The following CASK variants were observed in gnomAD, a reference collection of about 807,000 sequenced individuals.
CASK encodes peripheral plasma membrane protein CASK.
CASK carries 4 observed loss-of-function variants against 82.9 expected under a neutral mutation model. The observed-to-expected ratio is 0.05, with a 90% CI of 0.02 to 0.11. The LOEUF (loss-of-function observed/expected upper bound fraction) is 0.11, where lower values mean the gene tolerates loss of function less well. CASK is among the 10% of genes least tolerant of loss of function. The pLI, the probability that CASK is intolerant of heterozygous loss-of-function variation, is 1.00. For synonymous variants in CASK, 259 were observed against 253.5 expected (o/e 1.02, Z -0.20); for missense variants, 358 against 720.9 (o/e 0.50, Z 5.76).
chrX:41,917,856 C>T (rs1216223837), intron 1 of CASK, among the ~76,000 whole-genome samples: 1 of 111,521 alleles, frequency 9.0e-6, no homozygotes, highest in African/African-American at 3.3e-5. Flanking sequence ...ATATTGCTTC[C>T]CCACTCCCAT....
At chrX:41,546,044 T>A (rs2065018808) in intron 21 of CASK, among the ~76,000 whole-genome samples, 1 of 110,456 alleles carries the variant, frequency 9.1e-6, no homozygotes, top group Non-Finnish European at 1.9e-5. Flanking sequence ...CGATCTCAGC[T>A]CACTGAAACC....
chrX:41,682,529 GAAAAAAAAAA>G (rs869093187), intron 5 of CASK, among the ~76,000 whole-genome samples: 4 of 23,176 alleles, frequency 1.7e-4, no homozygotes, highest in African/African-American at 6.8e-4. Flanking sequence ...ACTGTCTCAG[GAAAAAAAAAA>G]AAAAAAAAAA....
chrX:41,774,338 T>C (rs1048995646), intron 3 of CASK, among the ~76,000 whole-genome samples: 25 of 111,508 alleles, frequency 2.2e-4, no homozygotes, highest in Admixed American at 2.9e-4. Context: ...CCATTCACAA[T>C]TGCTTCAAAG....
chrX:41,830,118 C>T (rs2070764127), intron 2 of CASK, among the ~76,000 whole-genome samples: 1 of 107,994 alleles, frequency 9.3e-6, no homozygotes, highest in African/African-American at 3.4e-5. Flanking sequence ...TCCCACCTTA[C>T]CCTCCCAAGC....
In CASK at chrX:41,861,254, G is replaced by A. The variant is rs187920215; in HGVS notation, c.60-8027C>T. The stretch of plus-strand genomic sequence containing the variant: ...TTGGTGTGTGTGTGTGTTTGTGTGC[G>A]TGTGTGCGTGTGCATGCGTGTGTGA... On this transcript the variant is annotated intron_variant, in intron 1 of 26. Transcript: ENST00000378163. Among the ~76,000 whole-genome samples, 8 of 111,554 alleles carry A rather than the reference G, an allele frequency of 7.2e-5. No homozygotes were observed. In the South Asian group the frequency reaches 2.3e-3, roughly 32 times the overall value.
intron 8 of CASK, among the ~76,000 whole-genome samples, chrX:41,658,790 G>A (rs1216386374): frequency 2.7e-5 from 3 of 111,554 alleles, no homozygotes; most frequent in Non-Finnish European, 5.6e-5. Flanking sequence ...AAGAAGCCCT[G>A]GGATTTGAAC....
chrX:41,630,983 TATC>T (rs2147349004), intron 9 of CASK, among the ~76,000 whole-genome samples: 1 of 111,949 alleles, frequency 8.9e-6, no homozygotes, highest in African/African-American at 3.2e-5. Flanking sequence ...AAACCAGAGT[TATC>T]ATTCAGTTTA....
chrX:41,850,457 GCAAA>G (rs1432505755), intron 2 of CASK, among the ~76,000 whole-genome samples: 1 of 110,587 alleles, frequency 9.0e-6, no homozygotes, highest in Non-Finnish European at 1.9e-5. Context: ...TTAACAAAGA[GCAAA>G]CAAACCACTA....
chrX:41,768,424 A>G (rs2069154382), intron 3 of CASK, among the ~76,000 whole-genome samples: 1 of 111,310 alleles, frequency 9.0e-6, no homozygotes, highest in African/African-American at 3.3e-5. Flanking sequence ...TTCTGTATAT[A>G]TCTGTACATG....
chrX:41,631,023 A>T (rs1346011454), intron 9 of CASK, among the ~76,000 whole-genome samples: 1 of 111,681 alleles, frequency 9.0e-6, no homozygotes, highest in Non-Finnish European at 1.9e-5. Flanking sequence ...CATATATAAT[A>T]CTCAAACATA....
At chrX:41,567,201 C>T (rs1293549565) in intron 16 of CASK, among the ~76,000 whole-genome samples, 1 of 111,949 alleles carries the variant, frequency 8.9e-6, no homozygotes, top group African/African-American at 3.2e-5. Flanking sequence ...GACTAAAACA[C>T]CAAAAGCAAT....
intron 1 of CASK, among the ~76,000 whole-genome samples, chrX:41,874,552 T>C (rs1432807995): frequency 8.9e-6 from 1 of 112,285 alleles, no homozygotes; most frequent in Non-Finnish European, 1.9e-5. Context: ...CTGCATTTTC[T>C]TTATCCAGAT....
intron 16 of CASK, among the ~76,000 whole-genome samples, chrX:41,566,246 A>C (rs1322116822): frequency 1.8e-5 from 2 of 111,861 alleles, no homozygotes; most frequent in African/African-American, 6.5e-5. Context: ...GCAATCAGGC[A>C]AGAGAAAGAA....
intron 5 of CASK, among the ~76,000 whole-genome samples, chrX:41,705,513 T>C (rs745498487): frequency 7.0e-4 from 78 of 111,659 alleles, no homozygotes; most frequent in Non-Finnish European, 1.1e-3. Context: ...TACGATCATG[T>C]TACTGCACTC....
intron 5 of CASK, among the ~76,000 whole-genome samples, chrX:41,674,980 T>G (rs898535565): frequency 9.0e-6 from 1 of 110,793 alleles, no homozygotes. Context: ...GTTAAATACA[T>G]GGGTTTTTGT....
intron 2 of CASK, among the ~76,000 whole-genome samples, chrX:41,804,515 G>A (rs1349557451): frequency 9.0e-6 from 1 of 111,505 alleles, no homozygotes; most frequent in Non-Finnish European, 1.9e-5. Flanking sequence ...ATTAAAATAA[G>A]AGAGCAAAAA....
intron 15 of CASK, among the ~76,000 whole-genome samples, chrX:41,577,875 C>G (rs1351284110): frequency 8.9e-6 from 1 of 111,914 alleles, no homozygotes; most frequent in East Asian, 2.8e-4. Flanking sequence ...TTTATTTCAG[C>G]AGTGTTACTC....
At chrX:41,856,287 A>G (rs1362575674) in intron 1 of CASK, among the ~76,000 whole-genome samples, 1 of 111,784 alleles carries the variant, frequency 8.9e-6, no homozygotes, top group South Asian at 3.7e-4. Flanking sequence ...TGGGAGTACA[A>G]GAGAGGAGAT....
At position 41,765,024 on chromosome X, in the gene CASK, T is replaced by C. The variant is rs749561217; in HGVS notation, c.279-19423A>G. ...TGGCAAAAAGAGCAAGTATGTTTTT[T>C]ATATTTCCTAATAAGATTCAATGAC... On this transcript the variant is annotated intron_variant, in intron 3 of 26. Transcript: ENST00000378163. Among the ~76,000 whole-genome samples the C allele has an allele frequency of 3.1e-4, 35 of 112,390 alleles. No homozygotes were observed. In the South Asian group the frequency reaches 0.011, roughly 36 times the overall value.
Sources: gnomAD v4.1 joint callset for allele counts (sites outside exome capture counted in the v4.1 genomes callset) on GRCh38, gnomAD v4.1.1 for gene constraint, MANE v1.5 for transcripts, NCBI Gene and HGNC (gene_info 2026-07-23, HGNC 2026-07-21) for gene names.